GAPVD1: variants seen among roughly 807,000 people sequenced by gnomAD.
GAPVD1 encodes GTPase activating protein and VPS9 domains 1, also known as GTPase-activating protein and VPS9 domain-containing protein 1.
Under a neutral mutation model 155.5 loss-of-function variants are expected in GAPVD1, and 35 were observed. The ratio of observed to expected loss-of-function variants is 0.23; its 90% CI spans 0.17 to 0.30. The LOEUF is 0.30. GAPVD1 is among the 10% of genes least tolerant of loss of function. The pLI is 1.00. For missense variants in GAPVD1, 1,429 were observed against 1,775.7 expected, an observed-to-expected ratio of 0.80 and a Z score of 3.51; for synonymous variants, 636 against 619.7, an observed-to-expected ratio of 1.03 and a Z score of -0.39.
At chr9:125,315,878 GTAACCTTCAGGC>G (rs1843342243) in intron 9 of GAPVD1, among the ~76,000 whole-genome samples, 2 of 152,076 alleles carry the variant, frequency 1.3e-5, no homozygotes, top group African/African-American at 4.8e-5. Context: ...TCACTGCTGG[GTAACCTTCAGGC>G]TGAACCCAAG....
chr9:125,321,107 A>G (rs572860629), intron 9 of GAPVD1, among the ~76,000 whole-genome samples: 1 of 152,340 alleles, frequency 6.6e-6, no homozygotes, highest in South Asian at 2.1e-4. Flanking sequence ...AAGGTTACAT[A>G]GTTGACACAT....
intron 2 of GAPVD1, among the ~76,000 whole-genome samples, chr9:125,282,340 T>C (rs917997260): frequency 1.3e-5 from 2 of 152,228 alleles, no homozygotes; most frequent in African/African-American, 2.4e-5. Context: ...TTTCACCATG[T>C]TGGTCAGGCT....
At chr9:125,353,278 A>G (rs891608150) in intron 23 of GAPVD1, among the ~76,000 whole-genome samples, 3 of 152,214 alleles carry the variant, frequency 2.0e-5, no homozygotes, top group African/African-American at 4.8e-5. Context: ...CTAAAACATA[A>G]CAAGAGTCAC....
chr9:125,363,308 TAAAC>T lies in GAPVD1; in HGVS notation c.*565_*568del, dbSNP rs1037857948. On this transcript the variant is annotated 3_prime_UTR_variant, in exon 28 of 28. Coordinates refer to ENST00000297933, the MANE Select transcript of GAPVD1 (RefSeq NM_001282680.3). ...TAATATGGACATCTGCAGATTCTAATAAACAAGGACTATTGCTGATAGTAGGCTG... is the reference window on the plus strand; with the variant it reads ...TAATATGGACATCTGCAGATTCTAATAAGGACTATTGCTGATAGTAGGCTG... 1 of 152,212 alleles carries T rather than the reference TAAAC, an allele frequency of 6.6e-6. No homozygotes were observed. Among genetic ancestry groups the T allele is most frequent in the Non-Finnish European group, 1.5e-5 (1 of 68,036 alleles). 9.4% of individuals were successfully genotyped at this position (152,212 alleles called of 1,614,324 possible). A position where few individuals can be genotyped will look rare whatever the true frequency, so the allele number is the denominator to read the frequency against.
intron 13 of GAPVD1, among the ~76,000 whole-genome samples, chr9:125,331,096 T>G (rs1484125895): frequency 1.3e-5 from 2 of 152,208 alleles, no homozygotes; most frequent in African/African-American, 2.4e-5. Flanking sequence ...TGCTTTCAAC[T>G]AAATGTCAAC....
chr9:125,335,556 A>T, intron 15 of GAPVD1, among the ~76,000 whole-genome samples: 1 of 151,938 alleles, frequency 6.6e-6, no homozygotes, highest in East Asian at 1.9e-4. Flanking sequence ...GTGTGCCTGT[A>T]ATGCCAGCTA....
At chr9:125,293,852 T>TTATATATATATATATA (rs1161661604) in intron 2 of GAPVD1, among the ~76,000 whole-genome samples, 3 of 35,184 alleles carry the variant, frequency 8.5e-5, no homozygotes, top group Non-Finnish European at 1.3e-4. Context: ...AAAATATATT[T>TTATATATATATATATA]TATATATATA....
At position 125,294,324 on chromosome 9, in the gene GAPVD1, A is replaced by T. The variant is rs190399174; in HGVS notation, c.-149-1134A>T. Among the ~76,000 whole-genome samples, 15 of 149,078 alleles carry T rather than the reference A, an allele frequency of 1.0e-4. No homozygotes were observed. The East Asian group carries it at 3.0e-3, about 30-fold the overall frequency. On this transcript the variant is annotated intron_variant, in intron 2 of 27. Coordinates refer to ENST00000297933, the MANE Select transcript of GAPVD1 (RefSeq NM_001282680.3). The stretch of plus-strand genomic sequence containing the variant: ...CCAAAGTGCTGGGATTACAGGCATG[A>T]GCCACTGCGCCCGGCCAAAATGGCT...
rs193171203 is a variant in GAPVD1, at chr9:125,301,907, G to A, written c.186-76G>A. The A allele has an allele frequency of 9.2e-5, 106 of 1,148,258 alleles. No homozygotes were observed. In the East Asian group the frequency reaches 2.7e-3, roughly 29 times the overall value. 71.1% of individuals were successfully genotyped at this position (1,148,258 alleles called of 1,614,324 possible). A position where few individuals can be genotyped will look rare whatever the true frequency, so the allele number is the denominator to read the frequency against. On this transcript the variant is annotated intron_variant, in intron 4 of 27. Transcript: ENST00000297933. ...GACCATAATCAACTCACATATCCATGTTTGGATATAGTATATGTGTTATTA... is the reference window on the plus strand; with the variant it reads ...GACCATAATCAACTCACATATCCATATTTGGATATAGTATATGTGTTATTA...
chr9:125,338,528 GT>G (rs1847356731), intron 17 of GAPVD1, among the ~76,000 whole-genome samples: 1 of 152,284 alleles, frequency 6.6e-6, no homozygotes, highest in Non-Finnish European at 1.5e-5. Context: ...CAGTTCCTCA[GT>G]TTTTTCTTGA....
At chr9:125,321,583 A>G (rs1284906851) in intron 10 of GAPVD1, 21 bp downstream of exon 10, 19 of 1,606,130 alleles carry the variant, frequency 1.2e-5, no homozygotes, top group Non-Finnish European at 1.5e-5. Flanking sequence ...ACTTCATTCA[A>G]GGAGTTGTGT....
intron 1 of GAPVD1, chr9:125,263,774 C>A: frequency 2.1e-6 from 2 of 963,304 alleles, no homozygotes; most frequent in Non-Finnish European, 3.4e-6. Context: ...GGTCACTCAC[C>A]CTCCAGACCT....
intron 2 of GAPVD1, among the ~76,000 whole-genome samples, chr9:125,274,505 C>G (rs1318818968): frequency 6.7e-6 from 1 of 149,438 alleles, no homozygotes; most frequent in Admixed American, 6.7e-5. Context: ...CTCTTGTTGC[C>G]CAGGCTGGAG....
intron 12 of GAPVD1, among the ~76,000 whole-genome samples, chr9:125,329,272 T>C (rs1845731315): frequency 6.6e-6 from 1 of 152,220 alleles, no homozygotes; most frequent in South Asian, 2.1e-4. Flanking sequence ...ATGTGTATTT[T>C]CCTGTGAATG....
chr9:125,352,144 G>A (rs1424587948), intron 23 of GAPVD1, among the ~76,000 whole-genome samples: 1 of 152,144 alleles, frequency 6.6e-6, no homozygotes, highest in African/African-American at 2.4e-5. Context: ...GGCTTTTCTA[G>A]GTGCACGGTG....
At chr9:125,296,862 G>C (rs763321088) in intron 3 of GAPVD1, among the ~76,000 whole-genome samples, 1 of 151,470 alleles carries the variant, frequency 6.6e-6, no homozygotes, top group Non-Finnish European at 1.5e-5. Context: ...GTCTCACCAT[G>C]TTGGCCAGGC....
At chr9:125,356,179 C>G (rs766555314) in intron 25 of GAPVD1, among the ~76,000 whole-genome samples, 2 of 152,178 alleles carry the variant, frequency 1.3e-5, no homozygotes, top group Non-Finnish European at 2.9e-5. Context: ...AGTATCGTTT[C>G]CCTGATGAAG....
At chr9:125,362,563 G>A (rs373339159) in intron 27 of GAPVD1, 43 bp from the exon 28 acceptor site, 1 of 1,496,662 alleles carries the variant, frequency 6.7e-7, no homozygotes, top group Admixed American at 2.0e-5. Flanking sequence ...GCAGAGCTAT[G>A]ACATCTGAGT....
chr9:125,351,990 C>T (rs1367259676), intron 23 of GAPVD1, among the ~76,000 whole-genome samples: 1 of 152,212 alleles, frequency 6.6e-6, no homozygotes, highest in African/African-American at 2.4e-5. Flanking sequence ...ATCCACCTAA[C>T]TCAGCCTCCC....
Sources: gnomAD v4.1 joint callset for allele counts (sites outside exome capture counted in the v4.1 genomes callset) on GRCh38, gnomAD v4.1.1 for gene constraint, MANE v1.5 for transcripts, NCBI Gene and HGNC (gene_info 2026-07-23, HGNC 2026-07-21) for gene names.